Variants in CORIN observed in about 807,000 individuals in gnomAD.
CORIN encodes corin, serine peptidase, also known as atrial natriuretic peptide-converting enzyme.
In CORIN, 117 loss-of-function variants were observed where a neutral mutation model predicts 125.3. The ratio of observed to expected loss-of-function variants is 0.93; its 90% confidence interval spans 0.80 to 1.09. CORIN has a LOEUF of 1.09. Ranked by LOEUF, CORIN falls within the 50% of genes least tolerant of loss-of-function variation. The pLI is 0.00. For missense variants in CORIN, 1,253 were observed against 1,306.7 expected (o/e 0.96, Z 0.63); for synonymous variants, 450 against 466.4 (o/e 0.96, Z 0.45).
At chr4:47,787,042 G>A (rs1730848895) in intron 2 of CORIN, 117 bp from the exon 3 acceptor site, 3 of 738,080 alleles carry the variant, frequency 4.1e-6, no homozygotes, top group South Asian at 3.9e-5. Flanking sequence ...TTCTAACCAG[G>A]TAAACACAAA....
intron 11 of CORIN, among the ~76,000 whole-genome samples, chr4:47,664,678 C>T (rs1396946911): frequency 6.6e-6 from 1 of 152,168 alleles, no homozygotes; most frequent in African/African-American, 2.4e-5. Flanking sequence ...ATTGTAAACA[C>T]ATCAGTGTTG....
At position 47,730,933 on chromosome 4, in the gene CORIN, G is replaced by C. The variant is rs114413941; in HGVS notation, c.799+13469C>G. Among the ~76,000 whole-genome samples, 910 of 152,332 alleles carry C rather than the reference G, an allele frequency of 6.0e-3. 8 individuals are homozygous for C. The highest frequency in any genetic ancestry group is 0.02 in the African/African-American group (850 of 41,574). On this transcript the variant is annotated intron_variant, in intron 5 of 21. Coordinates refer to ENST00000273857, the MANE Select transcript of CORIN (RefSeq NM_006587.4). ...TAGCCCAAAGGGGCAGAGGGAGGCAGCAAGGAAGCCAATAATGAGGCTGGA... is the reference window on the plus strand; with the variant it reads ...TAGCCCAAAGGGGCAGAGGGAGGCACCAAGGAAGCCAATAATGAGGCTGGA...
chr4:47,758,448 T>C (rs4131787), intron 4 of CORIN, among the ~76,000 whole-genome samples: 8,361 of 152,102 alleles, frequency 0.055, 717 homozygotes, highest in African/African-American at 0.19. Context: ...AAAATACCAA[T>C]GACATTTTTC....
At chr4:47,824,430 C>A (rs1577954897) in intron 1 of CORIN, among the ~76,000 whole-genome samples, 1 of 152,044 alleles carries the variant, frequency 6.6e-6, no homozygotes, top group Non-Finnish European at 1.5e-5. Context: ...CTTGCAGGTC[C>A]TTTGTTGGGG....
chr4:47,814,693 G>A (rs1732193487), intron 1 of CORIN, among the ~76,000 whole-genome samples: 1 of 152,086 alleles, frequency 6.6e-6, no homozygotes, highest in Admixed American at 6.6e-5. Context: ...AATATCCCAG[G>A]AAGCATAAAG....
chr4:47,647,472 A>T (rs951229506), intron 13 of CORIN, among the ~76,000 whole-genome samples: 1 of 152,184 alleles, frequency 6.6e-6, no homozygotes, highest in Admixed American at 6.5e-5. Flanking sequence ...ACAGAAATAG[A>T]TCATCTGGGA....
At chr4:47,825,827 A>G (rs1673606734) in intron 1 of CORIN, among the ~76,000 whole-genome samples, 1 of 151,486 alleles carries the variant, frequency 6.6e-6, no homozygotes, top group Non-Finnish European at 1.5e-5. Context: ...CAGCCTGCCA[A>G]CTAGCTTACT....
intron 19 of CORIN, among the ~76,000 whole-genome samples, chr4:47,614,602 G>A (rs1425109546): frequency 6.6e-6 from 1 of 152,188 alleles, no homozygotes; most frequent in Non-Finnish European, 1.5e-5. Context: ...ATTGGAAATG[G>A]TGAATTGATG....
chr4:47,763,463 A>T lies in CORIN; in HGVS notation c.533T>A (p.Leu178His). 6.2e-7 allele frequency: 1 copy of T among 1,614,136 alleles called. No homozygotes were observed. The highest frequency in any genetic ancestry group is 8.5e-7 in the Non-Finnish European group (1 of 1,180,004). The change falls in exon 4 of 22, where the codon CTC (leucine) becomes CAC (histidine). Residue 178 changes from leucine to histidine, a missense_variant. Physicochemically the swap from Leu to His is moderately conservative, Grantham distance 99 (BLOSUM62 -3). Transcript: ENST00000273857. ...MEKFLKFFTY[L>H]HRLSCYQHIM... ...ATGTTGATAGCAACTGAGGCGATGG[A>T]GATATGTGAAAAACTTGAGGAACTT...
At chr4:47,675,895 G>C (rs1426361473) in intron 9 of CORIN, among the ~76,000 whole-genome samples, 1 of 152,122 alleles carries the variant, frequency 6.6e-6, no homozygotes, top group Admixed American at 6.5e-5. Context: ...AAGAGCAGTA[G>C]AAGCCAATGA....
chr4:47,825,441 G>A (rs1732702487), intron 1 of CORIN, among the ~76,000 whole-genome samples: 1 of 152,092 alleles, frequency 6.6e-6, no homozygotes, highest in African/African-American at 2.4e-5. Context: ...ATTAGAAACT[G>A]ACAATGGGAC....
Position 47,745,210 on chromosome 4 carries a change from C to G in CORIN, c.618-627G>C, listed in dbSNP as rs1352367495. 2.0e-5 allele frequency among the ~76,000 whole-genome samples: 3 copies of G among 152,184 alleles called. No homozygotes were observed. The East Asian group carries it at 5.8e-4, about 29-fold the overall frequency. ...GAGTAATGATGCCCCCAGAGCTTAT[C>G]TTTATTCACTTAACATGCCATGAAA... On this transcript the variant is annotated intron_variant, in intron 4 of 21. Transcript: ENST00000273857.
At chr4:47,644,981 T>A (rs567408469) in intron 14 of CORIN, 100 bp downstream of exon 14, 3 of 632,992 alleles carry the variant, frequency 4.7e-6, no homozygotes, top group Non-Finnish European at 8.4e-6. Flanking sequence ...ACTAAAAGAT[T>A]TGTATGCATA....
At position 47,594,560 on chromosome 4, in the gene CORIN, C is replaced by T. The variant is rs997589096; in HGVS notation, c.*1161G>A. Reference sequence around the variant, plus strand: ...ATTTTAATTACCAATGAGAAGAAACCAGATATTAAACATCTTTTGAGGAAA... The same window carrying T: ...ATTTTAATTACCAATGAGAAGAAACTAGATATTAAACATCTTTTGAGGAAA... On this transcript the variant is annotated 3_prime_UTR_variant, in exon 22 of 22. Transcript: ENST00000273857. 6.6e-6 allele frequency: 1 copy of T among 152,234 alleles called. No individual in the cohort carries two copies. Among genetic ancestry groups the T allele is most frequent in the African/African-American group, 2.4e-5 (1 of 41,390 alleles). The allele number at this position is 152,234 out of a possible 1,614,324, so 9.4% of individuals were successfully genotyped here. A position where few individuals can be genotyped will look rare whatever the true frequency, so the allele number is the denominator to read the frequency against.
chr4:47,626,379 C>T (rs1484388361), intron 17 of CORIN, 26 bp downstream of exon 17: 3 of 1,318,776 alleles, frequency 2.3e-6, no homozygotes, highest in South Asian at 1.2e-5. Flanking sequence ...TCTGACTCTA[C>T]ACAGCTCTTA....
chr4:47,622,201 A>G (rs556220157), intron 19 of CORIN, among the ~76,000 whole-genome samples: 1 of 152,004 alleles, frequency 6.6e-6, no homozygotes, highest in African/African-American at 2.4e-5. Context: ...ATGGCTGCAT[A>G]GTATTCTATG....
intron 1 of CORIN, among the ~76,000 whole-genome samples, chr4:47,829,720 A>G (rs1288985228): frequency 6.6e-6 from 1 of 152,216 alleles, no homozygotes; most frequent in Non-Finnish European, 1.5e-5. Context: ...GAAAGATACC[A>G]TGCATCTGGT....
intron 5 of CORIN, among the ~76,000 whole-genome samples, chr4:47,715,202 C>A (rs1405275336): frequency 6.6e-6 from 1 of 152,094 alleles, no homozygotes. Flanking sequence ...GTAAATACTG[C>A]CATCAAAATT....
intron 1 of CORIN, among the ~76,000 whole-genome samples, chr4:47,817,712 C>G (rs1160691997): frequency 2.6e-5 from 4 of 152,170 alleles, no homozygotes; most frequent in Admixed American, 1.3e-4. Context: ...TCTATTCCTC[C>G]TTATGTTGTT....
Sources: allele counts gnomAD v4.1 joint callset (sites outside exome capture counted in the v4.1 genomes callset), GRCh38; gene constraint gnomAD v4.1.1; transcripts MANE v1.5; gene names NCBI Gene and HGNC (gene_info 2026-07-23, HGNC 2026-07-21).